FRMD4B: variants seen among roughly 807,000 people sequenced by gnomAD.
FRMD4B encodes the protein FERM domain containing 4B, also known as FERM domain-containing protein 4B.
A neutral mutation model predicts 141.5 loss-of-function variants in FRMD4B; 74 were observed. The observed-to-expected ratio is 0.52, with a 90% CI of 0.43 to 0.63. The LOEUF (loss-of-function observed/expected upper bound fraction) is 0.63, where lower values mean the gene tolerates loss of function less well. FRMD4B is among the 30% of genes least tolerant of loss of function. FRMD4B has a pLI of 0.00. For missense variants in FRMD4B, 1,366 were observed against 1,253.4 expected, an observed-to-expected ratio of 1.09 and a Z score of -1.36; for synonymous variants, 506 against 467.9, an observed-to-expected ratio of 1.08 and a Z score of -1.05.
chr3:69,335,666 C>A (rs907258709), intron 1 of FRMD4B, among the ~76,000 whole-genome samples: 2 of 151,804 alleles, frequency 1.3e-5, no homozygotes. Context: ...CCCCCAATAC[C>A]CTCCTCCCCC....
chr3:69,379,334 G>T lies in FRMD4B; in HGVS notation c.162+6494C>A, dbSNP rs943861803. 2.6e-5 allele frequency among the ~76,000 whole-genome samples: 4 copies of T among 151,966 alleles called. No individual in the cohort carries two copies. In the East Asian group the frequency reaches 7.7e-4, roughly 29 times the overall value. ...CACTCTATTGCCCAGGCTGAAATGC[G>T]GTGGCACAATCTCAGCTCACTGCAG... On this transcript the variant is annotated intron_variant, in intron 1 of 22. Transcript: ENST00000398540.
chr3:69,307,377 G>A (rs13061745), intron 3 of FRMD4B, among the ~76,000 whole-genome samples: 40,186 of 151,964 alleles, frequency 0.26, 6,277 homozygotes, highest in Non-Finnish European at 0.34. Context: ...ACAGTGTCTC[G>A]CTTTGTCACC....
At chr3:69,467,465 A>G (rs1270386432) in intron 1 of FRMD4B, among the ~76,000 whole-genome samples, 1 of 152,102 alleles carries the variant, frequency 6.6e-6, no homozygotes, top group Admixed American at 6.5e-5. Context: ...CCTAGGTTCA[A>G]AAAAAATTGT....
At chr3:69,486,426 G>A (rs1043184702) in intron 1 of FRMD4B, among the ~76,000 whole-genome samples, 5 of 136,348 alleles carry the variant, frequency 3.7e-5, no homozygotes, top group Non-Finnish European at 6.1e-5. Flanking sequence ...ATGCCTTTGC[G>A]TCCTTATAGC....
At chr3:69,417,637 T>C (rs952595715) in intron 2 of FRMD4B, among the ~76,000 whole-genome samples, 4 of 152,232 alleles carry the variant, frequency 2.6e-5, no homozygotes, top group African/African-American at 9.6e-5. Context: ...GTGTCCTGAA[T>C]GTATTGCCTA....
intron 5 of FRMD4B, among the ~76,000 whole-genome samples, chr3:69,253,438 T>G (rs2093475669): frequency 6.6e-6 from 1 of 152,112 alleles, no homozygotes; most frequent in Non-Finnish European, 1.5e-5. Context: ...TCTCCACTGT[T>G]GCTGGGACTG....
chr3:69,250,467 C>T (rs1014393761), intron 5 of FRMD4B, among the ~76,000 whole-genome samples: 4 of 152,106 alleles, frequency 2.6e-5, no homozygotes, highest in African/African-American at 4.8e-5. Flanking sequence ...TGCAGAATTT[C>T]CTAGATTCAT....
intron 3 of FRMD4B, among the ~76,000 whole-genome samples, chr3:69,309,322 G>A (rs1056043159): frequency 3.1e-4 from 31 of 100,310 alleles, no homozygotes; most frequent in Middle Eastern, 6.7e-3. Flanking sequence ...TTTTTTTTTC[G>A]TAGAGATGGG....
At chr3:69,372,970 G>A (rs1355144693) in intron 1 of FRMD4B, among the ~76,000 whole-genome samples, 1 of 152,268 alleles carries the variant, frequency 6.6e-6, no homozygotes, top group Non-Finnish European at 1.5e-5. Context: ...AGGCAGTGTG[G>A]TTCTAGTGTC....
At chr3:69,469,333 T>C (rs1204747291) in intron 1 of FRMD4B, among the ~76,000 whole-genome samples, 1 of 152,226 alleles carries the variant, frequency 6.6e-6, no homozygotes, top group Non-Finnish European at 1.5e-5. Context: ...CAACTGACTC[T>C]TTAATTAAAA....
chr3:69,375,980 T>C (rs1703961710), intron 1 of FRMD4B, among the ~76,000 whole-genome samples: 2 of 152,164 alleles, frequency 1.3e-5, no homozygotes, highest in Admixed American at 6.5e-5. Flanking sequence ...GATATATTCA[T>C]GCAATGGGAT....
chr3:69,173,217 C>T (rs1341128089), intron 22 of FRMD4B, among the ~76,000 whole-genome samples: 3 of 152,088 alleles, frequency 2.0e-5, no homozygotes, highest in African/African-American at 7.2e-5. Flanking sequence ...ATACAGTTGG[C>T]AGCAGTAGAG....
At chr3:69,183,448 C>G (rs1438408053) in intron 19 of FRMD4B, among the ~76,000 whole-genome samples, 1 of 150,032 alleles carries the variant, frequency 6.7e-6, no homozygotes, top group African/African-American at 2.5e-5. Flanking sequence ...TACTTCCCAG[C>G]ATGGTGACAA....
chr3:69,178,171 T>A (rs578055274), intron 21 of FRMD4B, among the ~76,000 whole-genome samples: 3 of 152,320 alleles, frequency 2.0e-5, no homozygotes, highest in South Asian at 2.1e-4. Context: ...AGCACTGCCC[T>A]TTTTCCATTT....
At chr3:69,431,817 T>C (rs1442855891) in intron 2 of FRMD4B, among the ~76,000 whole-genome samples, 1 of 152,238 alleles carries the variant, frequency 6.6e-6, no homozygotes, top group East Asian at 1.9e-4. Flanking sequence ...AGGAAGCATT[T>C]TGAGACATAA....
At chr3:69,298,757 C>T (rs1288421550) in intron 4 of FRMD4B, among the ~76,000 whole-genome samples, 5 of 152,132 alleles carry the variant, frequency 3.3e-5, no homozygotes, top group African/African-American at 4.8e-5. Context: ...CTTTGAGAGG[C>T]CTTCCCTGAC....
chr3:69,242,818 C>T (rs965301549), intron 7 of FRMD4B, among the ~76,000 whole-genome samples: 8 of 151,286 alleles, frequency 5.3e-5, no homozygotes, highest in African/African-American at 1.9e-4. Flanking sequence ...CATGGTGAAA[C>T]CCCGTCTCTA....
intron 11 of FRMD4B, among the ~76,000 whole-genome samples, chr3:69,204,815 ATTATC>A (rs2093006866): frequency 6.6e-6 from 1 of 152,188 alleles, no homozygotes; most frequent in Non-Finnish European, 1.5e-5. Flanking sequence ...TGTTGCATCT[ATTATC>A]TTATGGCGTC....
At chr3:69,175,350 T>C (rs1032450456) in intron 22 of FRMD4B, among the ~76,000 whole-genome samples, 1 of 152,238 alleles carries the variant, frequency 6.6e-6, no homozygotes, top group East Asian at 1.9e-4. Context: ...ACTTAATTCC[T>C]GTGCATAACA....
Sources: gnomAD v4.1 joint callset for allele counts (sites outside exome capture counted in the v4.1 genomes callset) on GRCh38, gnomAD v4.1.1 for gene constraint, MANE v1.5 for transcripts, NCBI Gene and HGNC (gene_info 2026-07-23, HGNC 2026-07-21) for gene names.